SBK1: variants seen among roughly 807,000 people sequenced by gnomAD.
The protein encoded by SBK1 is serine/threonine-protein kinase SBK1.
SBK1 carries 11 observed loss-of-function variants against 24.4 expected under a neutral mutation model. That is an observed-to-expected ratio of 0.45 (90% CI 0.28 to 0.75). SBK1 has a LOEUF of 0.75. Among genes scored for constraint, SBK1 ranks in the 30% least tolerant of loss-of-function variants. The pLI is 0.12. For missense variants in SBK1, 467 were observed against 620.5 expected (o/e 0.75, Z 2.63); for synonymous variants, 308 against 284.4 (o/e 1.08, Z -0.83).
At chr16:28,261,428 TACAC>T (rs35296302) in intron 1 of SBK1, among the ~76,000 whole-genome samples, 12,921 of 124,412 alleles carry the variant, frequency 0.1, 686 homozygotes, top group African/African-American at 0.16. Context: ...GACTCCCGTC[TACAC>T]ACACACACAC....
intron 1 of SBK1, among the ~76,000 whole-genome samples, chr16:28,299,656 AAC>A (rs2044665703): frequency 6.6e-6 from 1 of 152,020 alleles, no homozygotes; most frequent in South Asian, 2.1e-4. Context: ...CCACTCCAAG[AAC>A]AGTGTGCGAT....
rs529640764 is a variant in SBK1, at chr16:28,317,113, C to G, written c.-7-272C>G. ...ACATAAACAGGGGCCTTGCCTGACA[C>G]TGTGTGTGGGTGGCAGCATGAGGCA... is the stretch of plus-strand genomic sequence containing the variant. On this transcript the variant is annotated intron_variant, in intron 1 of 3. Coordinates refer to ENST00000341901, the MANE Select transcript of SBK1 (RefSeq NM_001024401.3). The surrounding 1 kb of genome is among the most constrained non-coding windows in gnomAD (Gnocchi z 4.2). Among the ~76,000 whole-genome samples the G allele has an allele frequency of 1.3e-5, 2 of 152,350 alleles. No homozygotes were observed. The highest frequency in any genetic ancestry group is 6.5e-5 in the Admixed American group (1 of 15,294).
intron 1 of SBK1, among the ~76,000 whole-genome samples, chr16:28,269,237 G>T (rs1450373712): frequency 1.3e-5 from 2 of 151,488 alleles, no homozygotes; most frequent in African/African-American, 2.4e-5. Context: ...GTTTCACCAT[G>T]TTAGTCAGGC....
chr16:28,318,709 C>T (rs2044815940), intron 2 of SBK1, among the ~76,000 whole-genome samples: 1 of 152,198 alleles, frequency 6.6e-6, no homozygotes, highest in East Asian at 1.9e-4. Context: ...GATAAATAAG[C>T]ATATGGCGGG....
chr16:28,282,441 C>CT (rs1260821189), intron 1 of SBK1, among the ~76,000 whole-genome samples: 1 of 152,164 alleles, frequency 6.6e-6, no homozygotes, highest in Non-Finnish European at 1.5e-5. Flanking sequence ...CCATGCCTTC[C>CT]TCCGGGAAGC....
At chr16:28,302,746 T>C (rs2044687690) in intron 1 of SBK1, among the ~76,000 whole-genome samples, 1 of 152,210 alleles carries the variant, frequency 6.6e-6, no homozygotes, top group Non-Finnish European at 1.5e-5. Flanking sequence ...ATTCATTTAT[T>C]CAACAAACAT....
At chr16:28,314,527 A>G (rs1457236784) in intron 1 of SBK1, among the ~76,000 whole-genome samples, 2 of 152,128 alleles carry the variant, frequency 1.3e-5, no homozygotes, top group African/African-American at 4.8e-5. Flanking sequence ...TAACTTGCCC[A>G]AGGACATCCA....
intron 1 of SBK1, chr16:28,286,503 C>G (rs1473196649): frequency 6.6e-6 from 1 of 151,720 alleles, no homozygotes; most frequent in East Asian, 2.0e-4. Flanking sequence ...GGTGAAACCC[C>G]ATCTCTACTA....
At chr16:28,303,175 A>C (rs886522579) in intron 1 of SBK1, among the ~76,000 whole-genome samples, 9 of 151,898 alleles carry the variant, frequency 5.9e-5, no homozygotes. Flanking sequence ...GATGGGCCAA[A>C]GGGTAAATGG....
intron 1 of SBK1, among the ~76,000 whole-genome samples, chr16:28,262,554 G>A (rs2044404087): frequency 6.6e-6 from 1 of 152,208 alleles, no homozygotes; most frequent in Non-Finnish European, 1.5e-5. Flanking sequence ...ACACAGCCAT[G>A]TCCCTGGAGG....
chr16:28,276,623 C>A (rs961352345), intron 1 of SBK1, among the ~76,000 whole-genome samples: 4 of 151,998 alleles, frequency 2.6e-5, no homozygotes, highest in Non-Finnish European at 5.9e-5. Context: ...GAAAGTGCTG[C>A]AGGTGGTGGA....
intron 1 of SBK1, among the ~76,000 whole-genome samples, chr16:28,300,841 C>T (rs192643243): frequency 3.0e-4 from 45 of 152,246 alleles, no homozygotes; most frequent in African/African-American, 1.0e-3. Flanking sequence ...AATGGGGAGA[C>T]GGTAAGTGGC....
rs2044608805 is a variant in SBK1 at position 28,292,658 on chromosome 16, C to T, written c.-650C>T. The T allele has an allele frequency of 3.0e-6, 3 of 983,638 alleles. No homozygotes were observed. Among genetic ancestry groups the T allele is most frequent in the Admixed American group, 1.2e-4 (2 of 16,164 alleles). 60.9% of individuals were successfully genotyped at this position (983,638 alleles called of 1,614,324 possible). ...GAGCGCAGGGCCGGGCTGCTCGTAGCGGCGGCGACCGAGCCCCCCAGCGGC... is the reference window on the plus strand; with the variant it reads ...GAGCGCAGGGCCGGGCTGCTCGTAGTGGCGGCGACCGAGCCCCCCAGCGGC... On this transcript the variant is annotated 5_prime_UTR_variant, in exon 1 of 4. Coordinates refer to ENST00000341901, the MANE Select transcript of SBK1 (RefSeq NM_001024401.3).
At chr16:28,272,530 T>A (rs2044471799) in intron 1 of SBK1, among the ~76,000 whole-genome samples, 1 of 152,180 alleles carries the variant, frequency 6.6e-6, no homozygotes, top group South Asian at 2.1e-4. Context: ...TTATGAGATA[T>A]GTGTCCTTCT....
rs2044858875 is a variant in SBK1 at position 28,322,561 on chromosome 16, G to A, written c.*1640G>A. 6.5e-6 allele frequency: 1 copy of A among 152,852 alleles called. No individual in the cohort carries two copies. The highest frequency in any genetic ancestry group is 2.4e-5 in the African/African-American group (1 of 41,414). The allele number at this position is 152,852 out of a possible 1,614,324, so 9.5% of individuals were successfully genotyped here. A position where few individuals can be genotyped will look rare whatever the true frequency, so the allele number is the denominator to read the frequency against. The stretch of plus-strand genomic sequence containing the variant: ...CCCCACTCATTCCCACCTTGAAAAA[G>A]GGCTATAGGTCCCCTGCCCTGCCCG... On this transcript the variant is annotated 3_prime_UTR_variant, in exon 4 of 4. Coordinates refer to ENST00000341901, the MANE Select transcript of SBK1 (RefSeq NM_001024401.3).
chr16:28,261,473 AC>A (rs2044397274), intron 1 of SBK1, among the ~76,000 whole-genome samples: 6 of 138,014 alleles, frequency 4.3e-5, no homozygotes, highest in South Asian at 5.0e-4. Context: ...ACACACACAC[AC>A]ACACAATTAG....
intron 1 of SBK1, among the ~76,000 whole-genome samples, chr16:28,287,222 C>T (rs983750335): frequency 3.3e-5 from 5 of 149,832 alleles, no homozygotes; most frequent in African/African-American, 9.8e-5. Flanking sequence ...GGGCAGATCA[C>T]CCAAAGTCAG....
chr16:28,307,218 C>T (rs1010548259), intron 1 of SBK1, among the ~76,000 whole-genome samples: 9 of 152,158 alleles, frequency 5.9e-5, no homozygotes, highest in African/African-American at 1.7e-4. Context: ...ATGTACCAAG[C>T]GCCTCATGTA....
intron 1 of SBK1, among the ~76,000 whole-genome samples, chr16:28,282,598 T>G (rs1450728496): frequency 9.1e-6 from 1 of 109,532 alleles, no homozygotes; most frequent in African/African-American, 3.0e-5. Context: ...TCCCAGAGTC[T>G]TCACATTTTG....
Sources: gnomAD v4.1 joint callset for allele counts (sites outside exome capture counted in the v4.1 genomes callset) on GRCh38, gnomAD v4.1.1 for gene constraint, Gnocchi (gnomAD v3.1) non-coding constraint, MANE v1.5 for transcripts, NCBI Gene and HGNC (gene_info 2026-07-23, HGNC 2026-07-21) for gene names.